CLU: variants seen among roughly 807,000 people sequenced by gnomAD.
CLU encodes the protein clusterin.
In CLU, 25 loss-of-function variants were observed where a neutral mutation model predicts 46.4. The ratio of observed to expected loss-of-function variants is 0.54; its 90% CI spans 0.39 to 0.75. The LOEUF is 0.75. Among genes scored for constraint, CLU ranks in the 30% least tolerant of loss-of-function variants. The probability of loss-of-function intolerance (pLI) is 0.00; values close to 1 mark genes in which losing one functional copy is unlikely to be tolerated. For missense variants in CLU, 504 were observed against 592.1 expected (o/e 0.85, Z 1.54); for synonymous variants, 235 against 235.1 (o/e 1.00, Z 0.00).
In CLU at chr8:27,599,788, C is replaced by T. The variant is rs145912562; in HGVS notation, c.1156G>A (p.Val386Ile). The change falls in exon 7 of 9, where the codon GTC becomes ATC. Residue 386 changes from valine (V) to isoleucine (I), a missense_variant. Physicochemically the swap from Val to Ile is conservative, Grantham distance 29. Coordinates refer to ENST00000316403, the MANE Select transcript of CLU (RefSeq NM_001831.4). This position sits in a 1 kb window ranked among gnomAD's most constrained non-coding sequence, Gnocchi z 4.0. ...TQGEDQYYLR[V>I]TTVASHTSDS... is the part of the protein sequence containing the mutation. Reference sequence around the variant, plus strand: ...GCCGGGACACAGCTCACCGTGGTGACCCGCAGATAGTACTGGTCTTCGCCT... The same window carrying T: ...GCCGGGACACAGCTCACCGTGGTGATCCGCAGATAGTACTGGTCTTCGCCT... The T allele has an allele frequency of 6.2e-6, 10 of 1,608,972 alleles. No homozygotes were observed. The highest frequency in any genetic ancestry group is 1.7e-5 in the Admixed American group (1 of 59,438).
intron 6 of CLU, among the ~76,000 whole-genome samples, chr8:27,602,373 T>C: frequency 6.6e-6 from 1 of 150,748 alleles, no homozygotes; most frequent in East Asian, 2.0e-4. Flanking sequence ...GAGGCTGAGG[T>C]AGGAGGATCA....
intron 6 of CLU, among the ~76,000 whole-genome samples, chr8:27,600,795 A>C (rs1800706381): frequency 6.6e-6 from 1 of 152,192 alleles, no homozygotes; most frequent in Admixed American, 6.5e-5. Context: ...GACACCGCAG[A>C]AAGTTCTCTC....
chr8:27,598,233 T>A lies in CLU; in HGVS notation c.*8A>T, dbSNP rs780113491. 1.9e-6 allele frequency: 3 copies of A among 1,613,878 alleles called. No homozygotes were observed. Among genetic ancestry groups the A allele is most frequent in the Middle Eastern group, 3.3e-4 (2 of 6,062 alleles). On this transcript the variant is annotated 3_prime_UTR_variant, in exon 9 of 9. Transcript: ENST00000316403. Reference sequence around the variant, plus strand: ...TGCCCCCGTAGGTGCAAAAGCAACATCCACATCTCACTCCTCCCTGAAATA... The same window carrying A: ...TGCCCCCGTAGGTGCAAAAGCAACAACCACATCTCACTCCTCCCTGAAATA...
At position 27,604,945 on chromosome 8, in the gene CLU, G is replaced by A. The variant is rs1800789042; in HGVS notation, c.808C>T (p.Pro270Ser). 1.2e-6 allele frequency: 2 copies of A among 1,614,074 alleles called. No individual in the cohort carries two copies. Among genetic ancestry groups the A allele is most frequent in the Non-Finnish European group, 1.7e-6 (2 of 1,180,044 alleles). ...IHFHSPAFQH[P>S]PTEFIREGDD... The stretch of plus-strand genomic sequence containing the variant: ...TCACCTCGTATGAATTCTGTTGGCG[G>A]GTGCTGGAAGGCCGGGCTATGGAAG... The change falls in exon 5 of 9, where the codon CCG (proline) becomes TCG (serine). Residue 270 changes from proline to serine, a missense_variant. Around this residue, in one of 3 missense-constraint regions of CLU, gnomAD observed 428 missense variants for 484.0 expected, o/e 0.88. Coordinates refer to ENST00000316403, the MANE Select transcript of CLU (RefSeq NM_001831.4).
chr8:27,598,935 G>A (rs1800667514), intron 7 of CLU: 1 of 370,440 alleles, frequency 2.7e-6, no homozygotes, highest in Non-Finnish European at 4.9e-6. Context: ...CTTGGTCAGA[G>A]TAGGGTAGAA....
Position 27,606,345 on chromosome 8 carries a change from C to G in CLU, c.417+9G>C, listed in dbSNP as rs374053481. On this transcript the variant is annotated intron_variant, in intron 4 of 8. Transcript: ENST00000316403. ...CAGAGCCTTGGCCACTCATGTGTCCCCTTTTCACCTGGCGGCCAACCAGGC... is the reference window on the plus strand; with the variant it reads ...CAGAGCCTTGGCCACTCATGTGTCCGCTTTTCACCTGGCGGCCAACCAGGC... 8.1e-6 allele frequency: 13 copies of G among 1,613,722 alleles called. No homozygotes were observed. Among genetic ancestry groups the G allele is most frequent in the Non-Finnish European group, 1.1e-5 (13 of 1,180,016 alleles).
chr8:27,602,589 A>G (rs1293924319), intron 6 of CLU, among the ~76,000 whole-genome samples: 3 of 147,848 alleles, frequency 2.0e-5, no homozygotes, highest in Non-Finnish European at 4.4e-5. Flanking sequence ...TGATAGAGAG[A>G]GACCCTGTCT....
At chr8:27,613,259 C>T (rs558837432) in intron 1 of CLU, among the ~76,000 whole-genome samples, 2 of 152,094 alleles carry the variant, frequency 1.3e-5, no homozygotes, top group South Asian at 2.1e-4. Context: ...TAGCAGCATG[C>T]GCCTGTAGTC....
Position 27,609,016 on chromosome 8 carries a change from T to C in CLU, c.168A>G (p.Ile56Met), listed in dbSNP as rs1371918127. The C allele has an allele frequency of 6.2e-7, 1 of 1,614,030 alleles. No homozygotes were observed. Among genetic ancestry groups the C allele is most frequent in the Non-Finnish European group, 8.5e-7 (1 of 1,179,964 alleles). Residue 56 changes from isoleucine to methionine, a missense_variant, in exon 3 of 9, where the codon ATA becomes ATG. Ile to Met is a conservative substitution (Grantham distance 10). Around this residue, in one of 3 missense-constraint regions of CLU, gnomAD observed 73 missense variants for 91.2 expected, o/e 0.80. Transcript: ENST00000316403. ...IQNAVNGVKQIKTLIEKTNEE... is the reference protein window; with the variant it reads ...IQNAVNGVKQMKTLIEKTNEE... ...CGTTTGTTTTTTCTATGAGAGTCTTTATCTGTTTCACCCCGTTGACAGCAT... is the reference window on the plus strand; with the variant it reads ...CGTTTGTTTTTTCTATGAGAGTCTTCATCTGTTTCACCCCGTTGACAGCAT...
At chr8:27,600,699 G>A (rs576120015) in intron 6 of CLU, among the ~76,000 whole-genome samples, 125 of 152,198 alleles carry the variant, frequency 8.2e-4, no homozygotes, top group Non-Finnish European at 1.3e-3. Flanking sequence ...AGTGGCTCTC[G>A]TTGCCCTAGT....
At chr8:27,613,183 T>C (rs1452466428) in intron 1 of CLU, among the ~76,000 whole-genome samples, 1 of 152,102 alleles carries the variant, frequency 6.6e-6, no homozygotes, top group Non-Finnish European at 1.5e-5. Context: ...GATCAGGAGT[T>C]CGAGACCAGC....
In CLU at chr8:27,602,600, C is replaced by CA. The variant is rs780867922; in HGVS notation, c.934+1690dup. 9.5e-3 allele frequency among the ~76,000 whole-genome samples: 990 copies of CA among 103,758 alleles called. 3 individuals are homozygous for CA. The highest frequency in any genetic ancestry group is 0.019 in the African/African-American group (642 of 33,068). 68.1% of individuals were successfully genotyped at this position (103,758 alleles called of 152,430 possible). ...TGGGTGATAGAGAGAGACCCTGTCTCAAAAAAAAAAAAAAAAATCAACAGC... is the reference window on the plus strand; with the variant it reads ...TGGGTGATAGAGAGAGACCCTGTCTCAAAAAAAAAAAAAAAAAATCAACAGC... On this transcript the variant is annotated intron_variant, in intron 6 of 8. Transcript: ENST00000316403.
chr8:27,608,792 T>G, intron 3 of CLU, 146 bp downstream of exon 3: 2 of 852,114 alleles, frequency 2.3e-6, no homozygotes, highest in Admixed American at 1.8e-5. Context: ...CTTCCCTGCT[T>G]CTTAATTGCA....
intron 1 of CLU, chr8:27,611,979 G>GA: frequency 2.8e-6 from 1 of 359,286 alleles, no homozygotes. Flanking sequence ...ACAACTTCTG[G>GA]AAAAACCCAT....
chr8:27,605,390 C>T, intron 4 of CLU, 55 bp from the exon 5 acceptor site: 3 of 1,589,060 alleles, frequency 1.9e-6, no homozygotes, highest in Non-Finnish European at 1.7e-6. Context: ...CCACGGCCTC[C>T]TGGCCTCCCA....
Position 27,614,664 on chromosome 8 carries a change from G to A in CLU, c.-39C>T, listed in dbSNP as rs769546518. 22 of 530,516 alleles carry A rather than the reference G, an allele frequency of 4.1e-5. No homozygotes were observed. The highest frequency in any genetic ancestry group is 2.9e-4 in the Admixed American group (15 of 51,352). 32.9% of individuals were successfully genotyped at this position (530,516 alleles called of 1,614,324 possible). The stretch of plus-strand genomic sequence containing the variant: ...GACGGGGACATCTCACCGGTCAGCG[G>A]CACCCTGTGCCCGCGCGCTCCTCCT... On this transcript the variant is annotated 5_prime_UTR_variant, in exon 1 of 9. Transcript: ENST00000316403.
intron 1 of CLU, chr8:27,614,305 A>T (rs911096395): frequency 1.5e-5 from 3 of 204,182 alleles, no homozygotes; most frequent in African/African-American, 7.2e-5. Flanking sequence ...GGTGCAGGCC[A>T]GCTCTGTCAC....
In CLU at chr8:27,597,969, A is replaced by G. The variant is rs1245445844; in HGVS notation, c.*272T>C. On this transcript the variant is annotated 3_prime_UTR_variant, in exon 9 of 9. Transcript: ENST00000316403. ...AAGGCATGCCGGGAAGCAGCAACTC[A>G]ACATAAAAAGAGGACCCTCCAAGCG... The G allele has an allele frequency of 4.6e-6, 3 of 658,518 alleles. No homozygotes were observed. The highest frequency in any genetic ancestry group is 8.3e-6 in the Non-Finnish European group (3 of 359,804). The allele number at this position is 658,518 out of a possible 1,614,324, so 40.8% of individuals were successfully genotyped here.
intron 2 of CLU, 25 bp downstream of exon 2, chr8:27,610,450 G>A (rs1800902394): frequency 1.3e-6 from 2 of 1,588,044 alleles, no homozygotes; most frequent in Non-Finnish European, 1.7e-6. Context: ...TGTGGCCAGA[G>A]GAACATCATG....
Sources: allele counts gnomAD v4.1 joint callset (sites outside exome capture counted in the v4.1 genomes callset), GRCh38; gene constraint gnomAD v4.1.1; regional missense constraint gnomAD v4.1.1; non-coding constraint Gnocchi (gnomAD v3.1); transcripts MANE v1.5; gene names NCBI Gene and HGNC (gene_info 2026-07-23, HGNC 2026-07-21).